Variants in PPP4R4 observed in about 807,000 individuals in gnomAD.
PPP4R4 encodes serine/threonine-protein phosphatase 4 regulatory subunit 4.
In PPP4R4, 70 loss-of-function variants were observed where a neutral mutation model predicts 121.8. The observed-to-expected ratio is 0.57, with a 90% CI of 0.47 to 0.70. The LOEUF is 0.70. PPP4R4 is among the 30% of genes least tolerant of loss of function. The probability of loss-of-function intolerance (pLI) is 0.00; values close to 1 mark genes in which losing one functional copy is unlikely to be tolerated. For synonymous variants in PPP4R4, 348 were observed against 355.7 expected, an observed-to-expected ratio of 0.98 and a Z score of 0.24; for missense variants, 875 against 1,033.6, an observed-to-expected ratio of 0.85 and a Z score of 2.10.
At chr14:94,223,390 T>G (rs1891519953) in intron 3 of PPP4R4, among the ~76,000 whole-genome samples, 1 of 152,160 alleles carries the variant, frequency 6.6e-6, no homozygotes, top group African/African-American at 2.4e-5. Flanking sequence ...TTAACCTGAT[T>G]TCAGGTACTG....
In PPP4R4 at chr14:94,244,799, G is replaced by A. The variant is rs17129521; in HGVS notation, c.1344+87G>A. ...CTTTTCTCCCCTTCTTCTTGGAATC[G>A]TGTCAACTCTTTCAGCTGACTAGCC... On this transcript the variant is annotated intron_variant, in intron 12 of 24. Coordinates refer to ENST00000304338, the MANE Select transcript of PPP4R4 (RefSeq NM_058237.2). The A allele has an allele frequency of 3.0e-3, 3,950 of 1,299,470 alleles. 116 individuals are homozygous for A. In the East Asian group the frequency reaches 0.079, roughly 26 times the overall value. The allele number at this position is 1,299,470 out of a possible 1,614,324, so 80.5% of individuals were successfully genotyped here.
At chr14:94,184,836 T>C (rs1049994180) in intron 2 of PPP4R4, among the ~76,000 whole-genome samples, 1 of 152,158 alleles carries the variant, frequency 6.6e-6, no homozygotes, top group Admixed American at 6.5e-5. Flanking sequence ...TAATTTTCCC[T>C]CCAATCAGAA....
At position 94,257,642 on chromosome 14, in the gene PPP4R4, TACACACACACACACAC is replaced by T. The variant is rs57997995; in HGVS notation, c.2010+1057_2010+1072del. On this transcript the variant is annotated intron_variant, in intron 17 of 24. Coordinates refer to ENST00000304338, the MANE Select transcript of PPP4R4 (RefSeq NM_058237.2). ...GTAGAGTTGCACATGCATTTAAATC[TACACACACACACACAC>T]ACACACACACACACACACTTGTTTC... Among the ~76,000 whole-genome samples the T allele has an allele frequency of 3.4e-5, 5 of 146,982 alleles. No homozygotes were observed. The East Asian group carries it at 9.8e-4, about 29-fold the overall frequency.
At chr14:94,195,348 C>G (rs556196141) in intron 2 of PPP4R4, among the ~76,000 whole-genome samples, 3 of 152,190 alleles carry the variant, frequency 2.0e-5, no homozygotes, top group African/African-American at 4.8e-5. Context: ...AAGCCCTGTA[C>G]AAGTGGATTC....
At chr14:94,252,177 T>C (rs1162290993) in intron 16 of PPP4R4, among the ~76,000 whole-genome samples, 1 of 152,148 alleles carries the variant, frequency 6.6e-6, no homozygotes, top group East Asian at 1.9e-4. Flanking sequence ...TTGAAATGAT[T>C]AGAAGGTTGA....
chr14:94,270,851 G>A (rs576227592), intron 23 of PPP4R4, among the ~76,000 whole-genome samples: 1 of 151,130 alleles, frequency 6.6e-6, no homozygotes, highest in African/African-American at 2.4e-5. Context: ...CTGGGAGGAC[G>A]AGGTTGCAGT....
rs1595439534 is a variant in PPP4R4, at chr14:94,176,247, C to T, written c.191+120C>T. 4 of 795,796 alleles carry T rather than the reference C, an allele frequency of 5.0e-6. No individual in the cohort carries two copies. The East Asian group carries it at 1.0e-4, about 20-fold the overall frequency. The allele number at this position is 795,796 out of a possible 1,614,324, so 49.3% of individuals were successfully genotyped here. A position where few individuals can be genotyped will look rare whatever the true frequency, so the allele number is the denominator to read the frequency against. The stretch of plus-strand genomic sequence containing the variant: ...TTTACTTAGCCACTTGAACAGAGTA[C>T]TTTTGTGTGCATAGTACTTAACTAT... On this transcript the variant is annotated intron_variant, in intron 2 of 24. Coordinates refer to ENST00000304338, the MANE Select transcript of PPP4R4 (RefSeq NM_058237.2).
In PPP4R4 at chr14:94,245,668, A is replaced by G. The variant is rs1431165409; in HGVS notation, c.1426A>G (p.Lys476Glu). Residue 476 changes from lysine to glutamate, a missense_variant and splice_region_variant, in exon 13 of 25, where the codon AAG becomes GAG. Transcript: ENST00000304338. ...TGGESSVQEN[K>E]LSSLPDLIPA... ...TGGAGAAAGCAGTGTTCAAGAAAAT[A>G]AGGTAAACTTCATCTTTCAGAAACA... 6 of 1,576,750 alleles carry G rather than the reference A, an allele frequency of 3.8e-6. No individual in the cohort carries two copies. The highest frequency in any genetic ancestry group is 5.2e-6 in the Non-Finnish European group (6 of 1,150,276).
At chr14:94,245,841 A>G (rs1173993948) in intron 13 of PPP4R4, among the ~76,000 whole-genome samples, 171 bp downstream of exon 13, 2 of 152,178 alleles carry the variant, frequency 1.3e-5, no homozygotes, top group African/African-American at 4.8e-5. Flanking sequence ...AATTTCCTCT[A>G]TCTTTCTTAC....
At chr14:94,217,290 G>A (rs28461260) in intron 3 of PPP4R4, among the ~76,000 whole-genome samples, 1,968 of 152,228 alleles carry the variant, frequency 0.013, 41 homozygotes, top group African/African-American at 0.045. Context: ...GGTAATAGTG[G>A]CCCACTATTG....
At chr14:94,272,191 C>T (rs945510316) in intron 23 of PPP4R4, among the ~76,000 whole-genome samples, 9 of 152,056 alleles carry the variant, frequency 5.9e-5, no homozygotes, top group East Asian at 1.9e-4. Context: ...AGAAAAGTCC[C>T]GGAATAGCCA....
chr14:94,246,538 A>T lies in PPP4R4; in HGVS notation c.1610A>T (p.Asn537Ile). 1 of 1,609,804 alleles carries T rather than the reference A, an allele frequency of 6.2e-7. No homozygotes were observed. The highest frequency in any genetic ancestry group is 8.5e-7 in the Non-Finnish European group (1 of 1,176,942). ...AGAATGTTCACAATCATGATGACAA[A>T]TGTGAGCTCAGTACCTTTCATCTTA... ...LQRMFTIMMT[N>I]NVLPVQKAAS... Residue 537 changes from asparagine to isoleucine, a missense_variant and splice_region_variant, in exon 14 of 25, where the codon AAT (asparagine) becomes ATT (isoleucine). Coordinates refer to ENST00000304338, the MANE Select transcript of PPP4R4 (RefSeq NM_058237.2).
chr14:94,244,590 T>C, intron 11 of PPP4R4, 45 bp from the exon 12 acceptor site: 1 of 1,361,634 alleles, frequency 7.3e-7, no homozygotes, highest in South Asian at 1.4e-5. Context: ...AACCTGTATC[T>C]GTCTAGTACT....
intron 24 of PPP4R4, among the ~76,000 whole-genome samples, chr14:94,277,234 G>C (rs1429268985): frequency 6.6e-6 from 1 of 152,184 alleles, no homozygotes; most frequent in African/African-American, 2.4e-5. Context: ...CCGGGAGGCG[G>C]AGGTTTCAGT....
At chr14:94,212,663 A>G (rs1345779808) in intron 3 of PPP4R4, among the ~76,000 whole-genome samples, 2 of 152,086 alleles carry the variant, frequency 1.3e-5, no homozygotes, top group African/African-American at 4.8e-5. Context: ...CTGTGATTTT[A>G]TTAAGTTTTA....
At chr14:94,215,848 A>G (rs1385759957) in intron 3 of PPP4R4, among the ~76,000 whole-genome samples, 2 of 152,172 alleles carry the variant, frequency 1.3e-5, no homozygotes, top group African/African-American at 2.4e-5. Flanking sequence ...GTATTTAAGG[A>G]CAAAATAGAT....
intron 2 of PPP4R4, among the ~76,000 whole-genome samples, chr14:94,205,367 T>G (rs1323569645): frequency 4.6e-5 from 7 of 152,030 alleles, no homozygotes. Context: ...CCTTTTGATT[T>G]CTGCAGTCTG....
At position 94,250,278 on chromosome 14, in the gene PPP4R4, G is replaced by C; in HGVS notation, c.1717+1G>C. 1 of 1,576,138 alleles carries C rather than the reference G, an allele frequency of 6.3e-7. No homozygotes were observed. Among genetic ancestry groups the C allele is most frequent in the Non-Finnish European group, 8.7e-7 (1 of 1,146,780 alleles). Reference sequence around the variant, plus strand: ...GAGGTCATTCAAAAATTAATTGAACGTAAGTAATCATTGTCTACTATTTTG... The same window carrying C: ...GAGGTCATTCAAAAATTAATTGAACCTAAGTAATCATTGTCTACTATTTTG... On this transcript the variant is annotated splice_donor_variant, in intron 15 of 24. Transcript: ENST00000304338. LOFTEE classifies it high-confidence loss of function.
At chr14:94,190,869 C>T (rs1889557549) in intron 2 of PPP4R4, among the ~76,000 whole-genome samples, 1 of 97,646 alleles carries the variant, frequency 1.0e-5, no homozygotes, top group South Asian at 3.8e-4. Flanking sequence ...CAGTGATTTC[C>T]AACTTTTTTT....
Sources: allele counts gnomAD v4.1 joint callset (sites outside exome capture counted in the v4.1 genomes callset), GRCh38; gene constraint gnomAD v4.1.1; transcripts MANE v1.5; gene names NCBI Gene and HGNC (gene_info 2026-07-23, HGNC 2026-07-21).